The following RTL9 variants were observed in gnomAD, a reference collection of about 807,000 sequenced individuals.
RTL9 encodes the protein retrotransposon Gag like 9, also known as retrotransposon Gag-like protein 9.
A neutral mutation model predicts 44.7 loss-of-function variants in RTL9; 19 were observed. That is an observed-to-expected ratio of 0.42 (90% CI 0.30 to 0.62). RTL9 has a LOEUF of 0.62. RTL9 is among the 20% of genes least tolerant of loss of function. The probability of loss-of-function intolerance (pLI) is 0.16; values close to 1 mark genes in which losing one functional copy is unlikely to be tolerated. For missense variants in RTL9, 1,105 were observed against 1,080.6 expected, an observed-to-expected ratio of 1.02 and a Z score of -0.32; for synonymous variants, 407 against 398.9, an observed-to-expected ratio of 1.02 and a Z score of -0.24.
chrX:110,448,216 G>A (rs901702469), upstream of RTL9, among the ~76,000 whole-genome samples: 2 of 110,526 alleles, frequency 1.8e-5, no homozygotes, highest in Non-Finnish European at 3.8e-5. Flanking sequence ...AGCCCCCACT[G>A]TCCATCCTCC....
intron 1 of RTL9, among the ~76,000 whole-genome samples, chrX:110,405,578 A>G (rs1190709215): frequency 2.7e-5 from 3 of 112,010 alleles, no homozygotes; most frequent in Non-Finnish European, 5.6e-5. Flanking sequence ...AATGCTAGCA[A>G]TAGTCATTCT....
intron 1 of RTL9, among the ~76,000 whole-genome samples, chrX:110,440,917 G>A (rs1056760540): frequency 9.0e-6 from 1 of 111,691 alleles, no homozygotes; most frequent in Non-Finnish European, 1.9e-5. Flanking sequence ...AAAGGACGAG[G>A]TCCACCCAGA....
intron 1 of RTL9, among the ~76,000 whole-genome samples, chrX:110,379,815 G>C (rs553200613): frequency 8.9e-6 from 1 of 111,906 alleles, no homozygotes; most frequent in South Asian, 3.7e-4. Flanking sequence ...GCCTTTGAGT[G>C]GTCTTTTCAA....
chrX:110,451,283 A>G, exon 1 of RTL9: 2 of 1,212,021 alleles, frequency 1.7e-6, no homozygotes, highest in South Asian at 3.5e-5. Context: ...AGCCAGTGCC[A>G]GCTCCCAGCT....
chrX:110,451,933 C>A (rs201596621), exon 1 of RTL9: 21 of 1,209,402 alleles, frequency 1.7e-5, no homozygotes, highest in Non-Finnish European at 2.2e-5. Flanking sequence ...GCCATGACCA[C>A]CTCACTGATG....
intron 1 of RTL9, among the ~76,000 whole-genome samples, chrX:110,373,625 T>C (rs908070402): frequency 2.7e-5 from 3 of 112,545 alleles, no homozygotes; most frequent in Non-Finnish European, 5.6e-5. Context: ...CCCAAGAAAC[T>C]ACAGATAATA....
intron 1 of RTL9, among the ~76,000 whole-genome samples, chrX:110,364,180 T>C (rs2068282277): frequency 9.0e-6 from 1 of 111,203 alleles, no homozygotes; most frequent in African/African-American, 3.3e-5. Flanking sequence ...TTCCAATCCC[T>C]GCCTCTGTCT....
intron 1 of RTL9, among the ~76,000 whole-genome samples, chrX:110,367,049 C>A (rs2068301784): frequency 8.9e-6 from 1 of 111,962 alleles, no homozygotes; most frequent in Admixed American, 9.5e-5. Flanking sequence ...TAAACTCTGC[C>A]TTCCCTCTTG....
chrX:110,432,720 T>C (rs1014027775), intron 1 of RTL9, among the ~76,000 whole-genome samples: 6 of 111,897 alleles, frequency 5.4e-5, no homozygotes, highest in Non-Finnish European at 7.5e-5. Context: ...ACAACAAATA[T>C]AGGCCCCCAT....
chrX:110,399,362 G>T (rs930254353), intron 1 of RTL9, among the ~76,000 whole-genome samples: 1 of 112,284 alleles, frequency 8.9e-6, no homozygotes, highest in Non-Finnish European at 1.9e-5. Flanking sequence ...TTAAACCTAC[G>T]CTGGTCTGGC....
exon 1 of RTL9, chrX:110,451,314 C>A (rs1217743437): frequency 8.3e-7 from 1 of 1,210,406 alleles, no homozygotes; most frequent in Non-Finnish European, 1.1e-6. Context: ...GTCCCCATTG[C>A]AAATTACAGA....
At chrX:110,410,850 C>T (rs946979407) in intron 1 of RTL9, among the ~76,000 whole-genome samples, 5 of 112,212 alleles carry the variant, frequency 4.5e-5, no homozygotes, top group African/African-American at 6.5e-5. Context: ...ATCATTTTGG[C>T]GCAATTCAAG....
chrX:110,452,011 C>T (rs917817058), exon 1 of RTL9: 2 of 1,210,211 alleles, frequency 1.7e-6, no homozygotes, highest in African/African-American at 3.5e-5. Context: ...GTAATGTCCG[C>T]ACAGTTAACA....
chrX:110,442,600 TTAAA>T (rs2068888898), intron 1 of RTL9, among the ~76,000 whole-genome samples: 1 of 111,605 alleles, frequency 9.0e-6, no homozygotes, highest in Non-Finnish European at 1.9e-5. Flanking sequence ...AAAGTCAGAA[TTAAA>T]TAGAGACTTC....
At chrX:110,406,264 C>G (rs764384977) in intron 1 of RTL9, among the ~76,000 whole-genome samples, 219 of 108,639 alleles carry the variant, frequency 2.0e-3, no homozygotes, top group African/African-American at 6.8e-3. Context: ...CCTAGCCCCC[C>G]ACGCCCCACA....
intron 1 of RTL9, among the ~76,000 whole-genome samples, chrX:110,404,450 C>T (rs967347856): frequency 2.7e-5 from 3 of 111,702 alleles, no homozygotes; most frequent in Admixed American, 1.9e-4. Context: ...AAAATACACT[C>T]GCAGGACAAA....
At chrX:110,386,350 A>G (rs1023603647) in intron 1 of RTL9, among the ~76,000 whole-genome samples, 1 of 108,699 alleles carries the variant, frequency 9.2e-6, no homozygotes, top group Admixed American at 9.8e-5. Context: ...TATTTATTTT[A>G]TTTTTTATTT....
intron 1 of RTL9, among the ~76,000 whole-genome samples, chrX:110,444,377 T>C (rs1344048634): frequency 8.9e-6 from 1 of 112,659 alleles, no homozygotes; most frequent in East Asian, 2.8e-4. Flanking sequence ...TATGATCTTA[T>C]CTGTGTTGAT....
chrX:110,443,422 A>G (rs1460413685), intron 1 of RTL9, among the ~76,000 whole-genome samples: 1 of 111,992 alleles, frequency 8.9e-6, no homozygotes, highest in Non-Finnish European at 1.9e-5. Flanking sequence ...CACTTGATGC[A>G]GGGTTTCCCC....
Sources: allele counts gnomAD v4.1 joint callset (sites outside exome capture counted in the v4.1 genomes callset), GRCh38; gene constraint gnomAD v4.1.1; transcripts MANE v1.5; gene names NCBI Gene and HGNC (gene_info 2026-07-23, HGNC 2026-07-21).